The following AZI2 variants were observed in gnomAD, a reference collection of about 807,000 sequenced individuals.
AZI2 encodes 5-azacytidine induced 2, also known as 5-azacytidine-induced protein 2.
Under a neutral mutation model 45.8 loss-of-function variants are expected in AZI2, and 22 were observed. That is an observed-to-expected ratio of 0.48 (90% CI 0.34 to 0.69). AZI2 has a LOEUF of 0.69. Among genes scored for constraint, AZI2 ranks in the 30% least tolerant of loss-of-function variants. The probability of loss-of-function intolerance (pLI) is 0.01; values close to 1 mark genes in which losing one functional copy is unlikely to be tolerated. For synonymous variants in AZI2, 137 were observed against 156.7 expected, an observed-to-expected ratio of 0.87 and a Z score of 0.94; for missense variants, 417 against 441.5, an observed-to-expected ratio of 0.94 and a Z score of 0.50.
chr3:28,325,207 AT>A (rs1273556574), intron 7 of AZI2: 1 of 150,244 alleles, frequency 6.7e-6, no homozygotes, highest in East Asian at 2.0e-4. Flanking sequence ...AAAAGCTATT[AT>A]TTCACCACAG....
chr3:28,343,651 C>T (rs973118603), intron 1 of AZI2, among the ~76,000 whole-genome samples: 2 of 151,904 alleles, frequency 1.3e-5, no homozygotes, highest in Non-Finnish European at 1.5e-5. Context: ...TTATCAAACT[C>T]ATCTCACAGA....
intron 6 of AZI2, among the ~76,000 whole-genome samples, chr3:28,327,993 TC>T (rs1307419249): frequency 2.0e-5 from 3 of 150,282 alleles, no homozygotes; most frequent in Non-Finnish European, 4.5e-5. Flanking sequence ...ATTTTTGAAA[TC>T]TAATATCTCA....
chr3:28,326,884 T>C lies in AZI2; in HGVS notation c.714A>G (p.Gln238=). The C allele has an allele frequency of 6.2e-7, 1 of 1,608,724 alleles. No individual in the cohort carries two copies. The highest frequency in any genetic ancestry group is 8.5e-7 in the Non-Finnish European group (1 of 1,176,182). Reference sequence around the variant, plus strand: ...GTTTTCTTAGTAGTTCAGCTTGTACTTGAGTCACCAGATGTAAATTAGACA... The same window carrying C: ...GTTTTCTTAGTAGTTCAGCTTGTACCTGAGTCACCAGATGTAAATTAGACA... ...REMSNLHLVT[Q]VQAELLRKLK... is the part of the protein sequence containing the mutation. The change falls in exon 7 of 8, where the codon CAA becomes CAG. Residue 238 remains glutamine (Q), a synonymous_variant. Transcript: ENST00000479665.
At chr3:28,335,013 T>G (rs915631975) in intron 5 of AZI2, among the ~76,000 whole-genome samples, 1 of 152,018 alleles carries the variant, frequency 6.6e-6, no homozygotes, top group African/African-American at 2.4e-5. Context: ...ATACAGACTC[T>G]TGGGCCAAAG....
rs372293222 is a variant in AZI2 at position 28,336,728 on chromosome 3, C to T, written c.588+9G>A. On this transcript the variant is annotated intron_variant, in intron 5 of 7. Coordinates refer to ENST00000479665, the MANE Select transcript of AZI2 (RefSeq NM_022461.5). ...TACTGAAATTCTCAATTTAATAATT[C>T]TGTAATACCGTTTGTTTGGCTTTCT... The T allele has an allele frequency of 6.2e-7, 1 of 1,610,150 alleles. No homozygotes were observed. The highest frequency in any genetic ancestry group is 8.5e-7 in the Non-Finnish European group (1 of 1,177,678).
chr3:28,345,351 T>C (rs1315877459), intron 1 of AZI2, among the ~76,000 whole-genome samples: 3 of 152,172 alleles, frequency 2.0e-5, no homozygotes, highest in Non-Finnish European at 4.4e-5. Context: ...TTAGATTTTA[T>C]TTTTAATATT....
chr3:28,340,484 T>C lies in AZI2; in HGVS notation c.134A>G (p.Tyr45Cys), dbSNP rs1703969754. ...VASHFALVTA[Y>C]EDIKKRLKDS... ...CTTAAGTCGTTTTTTGATGTCTTCATATGCAGTGACAAGAGCAAAATGGGA... is the reference window on the plus strand; with the variant it reads ...CTTAAGTCGTTTTTTGATGTCTTCACATGCAGTGACAAGAGCAAAATGGGA... The change falls in exon 2 of 8, where the codon TAT (tyrosine) becomes TGT (cysteine). Residue 45 changes from tyrosine (Y) to cysteine (C), a missense_variant. By Grantham distance (194) the Tyr-to-Cys change is radical. Transcript: ENST00000479665. 2.5e-6 allele frequency: 4 copies of C among 1,613,150 alleles called. No homozygotes were observed. Among genetic ancestry groups the C allele is most frequent in the Non-Finnish European group, 1.7e-6 (2 of 1,179,354 alleles).
intron 2 of AZI2, 81 bp downstream of exon 2, chr3:28,340,321 G>C: frequency 1.0e-6 from 1 of 970,570 alleles, no homozygotes; most frequent in Non-Finnish European, 1.5e-6. Flanking sequence ...TGGAAGACAG[G>C]ACAAAAAGTA....
chr3:28,336,360 T>C (rs573684903), intron 5 of AZI2, among the ~76,000 whole-genome samples: 29 of 152,212 alleles, frequency 1.9e-4, no homozygotes, highest in Admixed American at 4.6e-4. Flanking sequence ...TCCCTTATGA[T>C]ATCTAAATTA....
At chr3:28,338,091 T>G in intron 3 of AZI2, 55 bp from the exon 4 acceptor site, 1 of 1,027,090 alleles carries the variant, frequency 9.7e-7, no homozygotes, top group Non-Finnish European at 1.4e-6. Flanking sequence ...CACGTTGGTA[T>G]ATTGTAATTT....
In AZI2 at chr3:28,326,862, T is replaced by G; in HGVS notation, c.736A>C (p.Lys246Gln). 6.2e-7 allele frequency: 1 copy of G among 1,608,618 alleles called. No individual in the cohort carries two copies. Among genetic ancestry groups the G allele is most frequent in the Non-Finnish European group, 8.5e-7 (1 of 1,176,026 alleles). Reference protein sequence around the residue: ...VTQVQAELLRKLKTSTAIKKA... With the variant: ...VTQVQAELLRQLKTSTAIKKA... ...TTGATTGCAGTTGAGGTTTTCAGTT[T>G]TCTTAGTAGTTCAGCTTGTACTTGA... Residue 246 changes from lysine (K) to glutamine (Q), a missense_variant, in exon 7 of 8, where the codon AAA becomes CAA. By Grantham distance (53) the Lys-to-Gln change is moderately conservative. Coordinates refer to ENST00000479665, the MANE Select transcript of AZI2 (RefSeq NM_022461.5).
chr3:28,327,096 AC>A (rs1703417165), intron 6 of AZI2, 146 bp from the exon 7 acceptor site: 5 of 589,342 alleles, frequency 8.5e-6, no homozygotes, highest in South Asian at 8.2e-5. Flanking sequence ...AAGATATTTA[AC>A]TAGGGCATTA....
At chr3:28,339,898 ATT>A (rs1703942937) in intron 2 of AZI2, among the ~76,000 whole-genome samples, 2 of 152,160 alleles carry the variant, frequency 1.3e-5, no homozygotes, top group Non-Finnish European at 2.9e-5. Context: ...ATGTGTCACA[ATT>A]ATACATGGAA....
Position 28,341,470 on chromosome 3 carries a change from A to G in AZI2, c.-5-848T>C, listed in dbSNP as rs370259100. The G allele has an allele frequency of 4.5e-4, 69 of 152,198 alleles. 1 individual carries two copies. The highest frequency in any genetic ancestry group is 1.5e-3 in the African/African-American group (63 of 41,568). The allele number at this position is 152,198 out of a possible 1,614,324, so 9.4% of individuals were successfully genotyped here. A position where few individuals can be genotyped will look rare whatever the true frequency, so the allele number is the denominator to read the frequency against. ...TGAAGAGTGGGTAGAGTAGGATTCA[A>G]ATCAAACTCTGACTCCAAAACCTAA... On this transcript the variant is annotated intron_variant, in intron 1 of 7. Transcript: ENST00000479665.
intron 1 of AZI2, among the ~76,000 whole-genome samples, chr3:28,344,861 TTAAA>T (rs1704165564): frequency 6.6e-6 from 1 of 152,116 alleles, no homozygotes; most frequent in Non-Finnish European, 1.5e-5. Flanking sequence ...AGATAGTATT[TTAAA>T]TAGTCTAGCA....
At position 28,322,025 on chromosome 3, in the gene AZI2, G is replaced by C. The variant is rs1703202606; in HGVS notation, c.*2017C>G. 2 of 151,150 alleles carry C rather than the reference G, an allele frequency of 1.3e-5. No homozygotes were observed. The highest frequency in any genetic ancestry group is 4.1e-4 in the South Asian group (2 of 4,826). The allele number at this position is 151,150 out of a possible 1,614,324, so 9.4% of individuals were successfully genotyped here. On this transcript the variant is annotated 3_prime_UTR_variant, in exon 8 of 8. Transcript: ENST00000479665. Reference sequence around the variant, plus strand: ...TAAATAGATTCATAAGCTACAGATGGGCCACTGTTTTTTGGTTGTTTGAAT... The same window carrying C: ...TAAATAGATTCATAAGCTACAGATGCGCCACTGTTTTTTGGTTGTTTGAAT...
At chr3:28,336,650 T>A in intron 5 of AZI2, 87 bp downstream of exon 5, 2 of 1,333,222 alleles carry the variant, frequency 1.5e-6, no homozygotes, top group Admixed American at 4.3e-5. Context: ...TTATTTTAAC[T>A]CTATGGTTTA....
At position 28,321,381 on chromosome 3, in the gene AZI2, T is replaced by C. The variant is rs537058283; in HGVS notation, c.*2661A>G. On this transcript the variant is annotated 3_prime_UTR_variant, in exon 8 of 8. Transcript: ENST00000479665. ...GAAGTAGCCCACTTCATGTAGAAAA[T>C]TCACTTATGTACATGTTGCTTTCCC... 9 of 151,564 alleles carry C rather than the reference T, an allele frequency of 5.9e-5. No individual in the cohort carries two copies. Among genetic ancestry groups the C allele is most frequent in the African/African-American group, 1.7e-4 (7 of 41,478 alleles). The allele number at this position is 151,564 out of a possible 1,614,324, so 9.4% of individuals were successfully genotyped here.
intron 5 of AZI2, 118 bp downstream of exon 5, chr3:28,336,619 C>T: frequency 3.5e-6 from 4 of 1,131,238 alleles, no homozygotes; most frequent in Non-Finnish European, 4.8e-6. Context: ...AGGAATAGAA[C>T]ATTCTCTAAA....
Sources: gnomAD v4.1 joint callset for allele counts (sites outside exome capture counted in the v4.1 genomes callset) on GRCh38, gnomAD v4.1.1 for gene constraint, MANE v1.5 for transcripts, NCBI Gene and HGNC (gene_info 2026-07-23, HGNC 2026-07-21) for gene names.